Variants in CEACAM6 observed in about 807,000 individuals in gnomAD.
CEACAM6 encodes CEA cell adhesion molecule 6.
In CEACAM6, 21 loss-of-function variants were observed where a neutral mutation model predicts 32.4. The observed-to-expected ratio is 0.65, with a 90% CI of 0.46 to 0.93. The LOEUF is 0.93. Among genes scored for constraint, CEACAM6 ranks in the 40% least tolerant of loss-of-function variants. CEACAM6 has a pLI of 0.00. For synonymous variants in CEACAM6, 184 were observed against 174.4 expected, an observed-to-expected ratio of 1.06 and a Z score of -0.43; for missense variants, 406 against 432.2, an observed-to-expected ratio of 0.94 and a Z score of 0.54.
At chr19:41,766,892 G>C (rs1380651944) in intron 5 of CEACAM6, among the ~76,000 whole-genome samples, 1 of 151,578 alleles carries the variant, frequency 6.6e-6, no homozygotes, top group Non-Finnish European at 1.5e-5. Flanking sequence ...TGTAGTCCCA[G>C]CTACTCGGGA....
At chr19:41,769,015 G>A (rs1476387838) in intron 5 of CEACAM6, among the ~76,000 whole-genome samples, 1 of 151,970 alleles carries the variant, frequency 6.6e-6, no homozygotes, top group African/African-American at 2.4e-5. Context: ...GCGTGATTTC[G>A]GCTCACCGCA....
Position 41,769,985 on chromosome 19 carries a change from G to C in CEACAM6, c.*41-817G>C, listed in dbSNP as rs550776764. Among the ~76,000 whole-genome samples the C allele has an allele frequency of 4.1e-3, 620 of 151,370 alleles. 7 individuals are homozygous for C. The highest frequency in any genetic ancestry group is 0.014 in the African/African-American group (588 of 41,398). On this transcript the variant is annotated intron_variant, in intron 5 of 5. Transcript: ENST00000199764. ...GCTTTGATTGGGATGTTATATTTGG[G>C]AATATACATAGATGAACCCATAGGC...
At chr19:41,768,293 T>G (rs1600500990) in intron 5 of CEACAM6, among the ~76,000 whole-genome samples, 1 of 152,286 alleles carries the variant, frequency 6.6e-6, no homozygotes, top group South Asian at 2.1e-4. Flanking sequence ...TAGGGAGTGG[T>G]GATGACTCTT....
intron 5 of CEACAM6, among the ~76,000 whole-genome samples, chr19:41,766,505 G>T (rs2072957203): frequency 6.6e-6 from 1 of 152,108 alleles, no homozygotes; most frequent in Non-Finnish European, 1.5e-5. Flanking sequence ...ATTATCCCCA[G>T]CCTCTGCTCA....
chr19:41,764,106 T>G (rs2072943382), intron 4 of CEACAM6, among the ~76,000 whole-genome samples: 1 of 152,214 alleles, frequency 6.6e-6, no homozygotes, highest in Non-Finnish European at 1.5e-5. Flanking sequence ...TATAAAAGAA[T>G]GTTGAATTTT....
chr19:41,767,266 T>A (rs191680833), intron 5 of CEACAM6, among the ~76,000 whole-genome samples: 1 of 152,294 alleles, frequency 6.6e-6, no homozygotes, highest in Non-Finnish European at 1.5e-5. Context: ...ACTCACACCC[T>A]TCATCACAAG....
intron 4 of CEACAM6, 118 bp from the exon 5 acceptor site, chr19:41,766,065 C>G: frequency 1.7e-6 from 1 of 593,864 alleles, no homozygotes; most frequent in Non-Finnish European, 2.8e-6. Flanking sequence ...AACTTTCCCA[C>G]AAAACTAGTG....
intron 2 of CEACAM6, among the ~76,000 whole-genome samples, chr19:41,759,898 A>G (rs2072912354): frequency 6.6e-6 from 1 of 152,134 alleles, no homozygotes; most frequent in South Asian, 2.1e-4. Context: ...CAAATCTAAC[A>G]CTTTTTGACC....
chr19:41,755,728 G>T, intron 1 of CEACAM6, 26 bp downstream of exon 1: 1 of 1,581,818 alleles, frequency 6.3e-7, no homozygotes, highest in Non-Finnish European at 8.6e-7. Flanking sequence ...CCTCGGAGTG[G>T]ATGGGAGGAG....
intron 2 of CEACAM6, among the ~76,000 whole-genome samples, chr19:41,760,819 A>G (rs1304283709): frequency 6.6e-6 from 1 of 152,188 alleles, no homozygotes; most frequent in Non-Finnish European, 1.5e-5. Context: ...CATCTCTAGA[A>G]TGTCCTTAGA....
intron 2 of CEACAM6, among the ~76,000 whole-genome samples, chr19:41,757,391 C>T (rs1431072019): frequency 6.6e-6 from 1 of 152,030 alleles, no homozygotes; most frequent in African/African-American, 2.4e-5. Flanking sequence ...CCAGGTGATC[C>T]TGGGGAGTCT....
rs376017217 is a variant in CEACAM6, at chr19:41,762,076, T to C, written c.811T>C (p.Trp271Arg). 9.3e-6 allele frequency: 15 copies of C among 1,614,170 alleles called. No individual in the cohort carries two copies. The highest frequency in any genetic ancestry group is 1.6e-4 in the Middle Eastern group (1 of 6,062). The change falls in exon 4 of 6, where the codon TGG becomes CGG. Residue 271 changes from tryptophan to arginine, a missense_variant. Coordinates refer to ENST00000199764, the MANE Select transcript of CEACAM6 (RefSeq NM_002483.7). Reference sequence around the variant, plus strand: ...CTCTAACCCACCTGCACAGTACTCTTGGTTTATCAATGGGACGTTCCAGCA... The same window carrying C: ...CTCTAACCCACCTGCACAGTACTCTCGGTTTATCAATGGGACGTTCCAGCA... ...AASNPPAQYS[W>R]FINGTFQQST...
intron 4 of CEACAM6, among the ~76,000 whole-genome samples, chr19:41,765,473 T>C (rs781864435): frequency 6.6e-6 from 1 of 152,120 alleles, no homozygotes; most frequent in Non-Finnish European, 1.5e-5. Context: ...TCCACTGAGA[T>C]GCAGCCAAGA....
chr19:41,763,479 C>A (rs1241018414), intron 4 of CEACAM6, among the ~76,000 whole-genome samples: 1 of 152,214 alleles, frequency 6.6e-6, no homozygotes, highest in African/African-American at 2.4e-5. Flanking sequence ...AAAGACCAGG[C>A]AGTCAGCCAG....
chr19:41,761,849 GT>G, intron 3 of CEACAM6, 119 bp from the exon 4 acceptor site: 1 of 1,298,848 alleles, frequency 7.7e-7, no homozygotes. Context: ...CATAGCGGGG[GT>G]TTGGTTGAGA....
At chr19:41,765,263 G>C (rs1359759753) in intron 4 of CEACAM6, among the ~76,000 whole-genome samples, 3 of 152,196 alleles carry the variant, frequency 2.0e-5, no homozygotes, top group African/African-American at 7.2e-5. Flanking sequence ...AATCAAATGA[G>C]ATACAGGTAA....
At position 41,768,785 on chromosome 19, in the gene CEACAM6, A is replaced by G. The variant is rs537042758; in HGVS notation, c.*41-2017A>G. Among the ~76,000 whole-genome samples the G allele has an allele frequency of 1.2e-3, 180 of 152,180 alleles. 1 individual carries two copies. Among genetic ancestry groups the G allele is most frequent in the African/African-American group, 4.2e-3 (175 of 41,530 alleles). ...GGCTGGCCGGGCAGAGGGGCTCCTC[A>G]CTTCCCAGTAGGGGCGGCCGGGCAG... On this transcript the variant is annotated intron_variant, in intron 5 of 5. Transcript: ENST00000199764.
chr19:41,764,411 T>C (rs2072944897), intron 4 of CEACAM6, among the ~76,000 whole-genome samples: 1 of 151,848 alleles, frequency 6.6e-6, no homozygotes, highest in Non-Finnish European at 1.5e-5. Flanking sequence ...CTCAGCCTCC[T>C]GAGTAGCTGG....
chr19:41,768,454 T>C (rs922487372), intron 5 of CEACAM6, among the ~76,000 whole-genome samples: 2 of 152,210 alleles, frequency 1.3e-5, no homozygotes, highest in African/African-American at 2.4e-5. Context: ...GGCAGAAGAA[T>C]TTTTCTTAGT....
Sources: gnomAD v4.1 joint callset for allele counts (sites outside exome capture counted in the v4.1 genomes callset) on GRCh38, gnomAD v4.1.1 for gene constraint, MANE v1.5 for transcripts, NCBI Gene and HGNC (gene_info 2026-07-23, HGNC 2026-07-21) for gene names.